The following KIR2DL3 variants were observed in gnomAD, a reference collection of about 807,000 sequenced individuals.
KIR2DL3 encodes killer cell immunoglobulin like receptor, two Ig domains and long cytoplasmic tail 3.
KIR2DL3 carries 39 observed loss-of-function variants against 33.8 expected under a neutral mutation model. That is an observed-to-expected ratio of 1.15 (90% CI 0.89 to 1.51). The LOEUF (loss-of-function observed/expected upper bound fraction) is 1.51, where lower values mean the gene tolerates loss of function less well. Among genes scored for constraint, KIR2DL3 ranks in the 40% most tolerant of loss-of-function variants. The pLI is 0.00. For synonymous variants in KIR2DL3, 174 were observed against 160.2 expected (o/e 1.09, Z -0.65); for missense variants, 462 against 426.2 (o/e 1.08, Z -0.74).
intron 5 of KIR2DL3, among the ~76,000 whole-genome samples, chr19:54,748,780 C>A (rs1853588040): frequency 6.8e-6 from 1 of 146,190 alleles, no homozygotes; most frequent in South Asian, 2.2e-4. Context: ...TGCCACCGTG[C>A]CCGGCTAATT....
chr19:54,747,506 G>C, intron 5 of KIR2DL3, 121 bp downstream of exon 5: 1 of 1,302,006 alleles, frequency 7.7e-7, no homozygotes, highest in Non-Finnish European at 1.1e-6. Context: ...TACCATCTCC[G>C]AACTCCAGAT....
intron 2 of KIR2DL3, among the ~76,000 whole-genome samples, chr19:54,741,211 T>C (rs13344702): frequency 0.16 from 18,355 of 118,148 alleles, 6 homozygotes; most frequent in South Asian, 0.22. Flanking sequence ...TGGTGGCAGG[T>C]GCATGTAATC....
chr19:54,741,927 T>C, intron 2 of KIR2DL3, 53 bp from the exon 3 acceptor site: 4 of 1,459,206 alleles, frequency 2.7e-6, no homozygotes, highest in Middle Eastern at 2.4e-4. Context: ...CTAGGTGCCA[T>C]GGATGGGATG....
rs573493425 is a variant in KIR2DL3, at chr19:54,741,733, C to G, written c.71-247C>G. Among the ~76,000 whole-genome samples the G allele has an allele frequency of 6.4e-4, 97 of 151,016 alleles. 1 individual carries two copies. The highest frequency in any genetic ancestry group is 2.1e-3 in the African/African-American group (85 of 41,010). On this transcript the variant is annotated intron_variant, in intron 2 of 7. Transcript: ENST00000342376. ...ACATTAGTGTGAAATAGATACAACA[C>G]CCCAAGAGATGAGGCTCAGCCCAGT...
rs942041266 is a variant in KIR2DL3, at chr19:54,751,397, T to A, written c.716-252T>A. On this transcript the variant is annotated intron_variant, in intron 5 of 7. Coordinates refer to ENST00000342376, the MANE Select transcript of KIR2DL3 (RefSeq NM_015868.3). ...TCTCAAGAGGCCCAACCTCCCACAG[T>A]GGGGGTGAAATTTCAATGTGAGGTT... Among the ~76,000 whole-genome samples the A allele has an allele frequency of 2.4e-4, 31 of 131,864 alleles. 8 individuals carry two copies. The highest frequency in any genetic ancestry group is 9.0e-4 in the African/African-American group (31 of 34,496). The allele number at this position is 131,864 out of a possible 152,430, so 86.5% of individuals were successfully genotyped here.
chr19:54,746,104 C>A (rs1432162104), intron 4 of KIR2DL3, among the ~76,000 whole-genome samples: 2 of 134,494 alleles, frequency 1.5e-5, no homozygotes, highest in African/African-American at 5.5e-5. Context: ...TGAGCCACCA[C>A]GCCCGGCCTA....
At position 54,738,563 on chromosome 19, in the gene KIR2DL3, C is replaced by A; in HGVS notation, c.18C>A (p.Val6=). The A allele has an allele frequency of 6.2e-7, 1 of 1,614,174 alleles. No individual in the cohort carries two copies. The highest frequency in any genetic ancestry group is 1.1e-5 in the South Asian group (1 of 91,092). The change falls in exon 1 of 8, where the codon GTC becomes GTA. Residue 6 remains valine (V), a synonymous_variant. Transcript: ENST00000342376. MSLMV[V]SMVCVGFFLL... ...ACAGCACCATGTCGCTCATGGTCGT[C>A]AGCATGGTGTGTGTTGGTGAGTCCT...
Position 54,752,813 on chromosome 19 carries a change from T to G in KIR2DL3, c.*294T>G, listed in dbSNP as rs201554052. On this transcript the variant is annotated 3_prime_UTR_variant, in exon 8 of 8. Coordinates refer to ENST00000342376, the MANE Select transcript of KIR2DL3 (RefSeq NM_015868.3). ...TTGACCCCTGCCCACCTCTCCAACCTAACTGGCTTACTTCCTAGTCTACTT... is the reference window on the plus strand; with the variant it reads ...TTGACCCCTGCCCACCTCTCCAACCGAACTGGCTTACTTCCTAGTCTACTT... 4 of 501,554 alleles carry G rather than the reference T, an allele frequency of 8.0e-6. No individual in the cohort carries two copies. The highest frequency in any genetic ancestry group is 4.5e-5 in the South Asian group (2 of 44,084). The allele number at this position is 501,554 out of a possible 1,614,324, so 31.1% of individuals were successfully genotyped here.
intron 3 of KIR2DL3, 127 bp downstream of exon 3, chr19:54,742,406 G>A: frequency 7.2e-7 from 1 of 1,382,662 alleles, no homozygotes; most frequent in Non-Finnish European, 1.0e-6. Context: ...ACTTGCTGAG[G>A]TTTGTACCAA....
Position 54,752,487 on chromosome 19 carries a change from G to C in KIR2DL3, c.994G>C (p.Val332Leu), listed in dbSNP as rs879086624. Residue 332 changes from valine (V) to leucine (L), a missense_variant, in exon 8 of 8, where the codon GTG (valine) becomes CTG (leucine). Coordinates refer to ENST00000342376, the MANE Select transcript of KIR2DL3 (RefSeq NM_015868.3). ...RPKTPPTDII[V>L]YTELPNAEP is the part of the protein sequence containing the mutation. ...CAAGACACCCCCAACAGATATCATC[G>C]TGTACACGGAACTTCCAAATGCTGA... is the stretch of plus-strand genomic sequence containing the variant. 2.8e-6 allele frequency: 4 copies of C among 1,437,006 alleles called. 1 individual carries two copies. Among genetic ancestry groups the C allele is most frequent in the East Asian group, 2.3e-5 (1 of 43,746 alleles). The allele number at this position is 1,437,006 out of a possible 1,614,324, so 89.0% of individuals were successfully genotyped here.
intron 2 of KIR2DL3, 49 bp from the exon 3 acceptor site, chr19:54,741,931 T>G (rs1347223139): frequency 1.7e-5 from 25 of 1,478,414 alleles, no homozygotes; most frequent in Non-Finnish European, 2.2e-5. Context: ...GTGCCATGGA[T>G]GGGATGATAA....
chr19:54,744,939 TATATATATATATA>T (rs2072139962), intron 4 of KIR2DL3, among the ~76,000 whole-genome samples: 1 of 23,776 alleles, frequency 4.2e-5, no homozygotes, highest in African/African-American at 1.4e-4. Flanking sequence ...TATATATATA[TATATATATATATA>T]TATTTTTTTT....
chr19:54,748,507 C>T (rs1352458729), intron 5 of KIR2DL3, among the ~76,000 whole-genome samples: 11 of 141,714 alleles, frequency 7.8e-5, no homozygotes, highest in African/African-American at 1.3e-4. Context: ...TGGCTTCTGC[C>T]CTTGGGACAC....
intron 4 of KIR2DL3, among the ~76,000 whole-genome samples, chr19:54,745,401 G>A (rs2072303418): frequency 6.6e-6 from 1 of 151,534 alleles, no homozygotes; most frequent in African/African-American, 2.4e-5. Flanking sequence ...TTCCCTCTGT[G>A]CCCAGGCTGG....
chr19:54,752,128 G>A (rs866113293), intron 6 of KIR2DL3, 88 bp from the exon 7 acceptor site: 1 of 1,348,172 alleles, frequency 7.4e-7, no homozygotes. Flanking sequence ...AGGCTCCTAT[G>A]GTCTCCCCCT....
Position 54,746,481 on chromosome 19 carries a change from G to A in KIR2DL3, c.665-854G>A, listed in dbSNP as rs1202874800. 5.0e-4 allele frequency among the ~76,000 whole-genome samples: 74 copies of A among 148,150 alleles called. 1 individual carries two copies. Among genetic ancestry groups the A allele is most frequent in the Non-Finnish European group, 5.8e-4 (39 of 66,878 alleles). On this transcript the variant is annotated intron_variant, in intron 4 of 7. Transcript: ENST00000342376. ...ATGTCTTCCTTCAGACAAATGTCCT[G>A]GAGCATTTCCCCAATATTTTCTTCT...
Position 54,751,534 on chromosome 19 carries a change from G to C in KIR2DL3, c.716-115G>C. On this transcript the variant is annotated intron_variant, in intron 5 of 7. Coordinates refer to ENST00000342376, the MANE Select transcript of KIR2DL3 (RefSeq NM_015868.3). ...GAAAGCTGGGTCTCCCTCCATCTGG[G>C]TGCTTGTCCTAAAGGGGTGTTGTAT... The C allele has an allele frequency of 3.4e-6, 3 of 894,332 alleles. 1 individual carries two copies. Among genetic ancestry groups the C allele is most frequent in the Non-Finnish European group, 1.7e-6 (1 of 581,220 alleles). The allele number at this position is 894,332 out of a possible 1,614,324, so 55.4% of individuals were successfully genotyped here. A position where few individuals can be genotyped will look rare whatever the true frequency, so the allele number is the denominator to read the frequency against.
intron 4 of KIR2DL3, among the ~76,000 whole-genome samples, chr19:54,745,447 C>G (rs1450116653): frequency 2.0e-5 from 3 of 150,662 alleles, no homozygotes; most frequent in South Asian, 4.3e-4. Flanking sequence ...ATTGCAACCT[C>G]CGCCTCCTGG....
chr19:54,744,921 C>CATATATATATGTGT (rs2072105959), intron 4 of KIR2DL3, among the ~76,000 whole-genome samples: 32 of 25,206 alleles, frequency 1.3e-3, no homozygotes, highest in East Asian at 9.2e-3. Flanking sequence ...CATATATAAA[C>CATATATATATGTGT]ATATATATAT....
Sources: allele counts gnomAD v4.1 joint callset (sites outside exome capture counted in the v4.1 genomes callset), GRCh38; gene constraint gnomAD v4.1.1; transcripts MANE v1.5; gene names NCBI Gene and HGNC (gene_info 2026-07-23, HGNC 2026-07-21).